Variants in ACO2 observed in about 807,000 individuals in gnomAD.
ACO2 encodes the protein aconitate hydratase, mitochondrial.
In ACO2, 31 loss-of-function variants were observed where a neutral mutation model predicts 84.5. That is an observed-to-expected ratio of 0.37 (90% CI 0.28 to 0.50). The LOEUF is 0.50. Ranked by LOEUF, ACO2 falls within the 20% of genes least tolerant of loss-of-function variation. ACO2 has a pLI of 0.97. For synonymous variants in ACO2, 414 were observed against 412.7 expected, an observed-to-expected ratio of 1.00 and a Z score of -0.04; for missense variants, 685 against 1,029.3, an observed-to-expected ratio of 0.67 and a Z score of 4.58.
chr22:41,494,590 T>A (rs2066298729), intron 1 of ACO2, among the ~76,000 whole-genome samples: 1 of 151,500 alleles, frequency 6.6e-6, no homozygotes, highest in African/African-American at 2.4e-5. Context: ...ATTGTATATT[T>A]AGTGGAGATG....
intron 1 of ACO2, among the ~76,000 whole-genome samples, chr22:41,477,684 T>C (rs1026901090): frequency 6.6e-6 from 1 of 152,028 alleles, no homozygotes; most frequent in East Asian, 1.9e-4. Flanking sequence ...TAGAGGCACT[T>C]GGTGAATATT....
In ACO2 at chr22:41,515,944, C is replaced by G. The variant is rs1356801566; in HGVS notation, c.835+27C>G. The G allele has an allele frequency of 6.2e-7, 1 of 1,605,768 alleles. No individual in the cohort carries two copies. The highest frequency in any genetic ancestry group is 1.1e-5 in the South Asian group (1 of 89,934). ...TGAGGAAGGCGGCCAGGCGACGTGG[C>G]CCCTACCCTGTGCTGGGCCTGATGG... On this transcript the variant is annotated intron_variant, in intron 6 of 17. Transcript: ENST00000216254. The surrounding 1 kb of genome is among the most constrained non-coding windows in gnomAD (Gnocchi z 5.8).
At chr22:41,526,612 T>C (rs1358998828) in intron 15 of ACO2, 159 bp downstream of exon 15, 12 of 737,234 alleles carry the variant, frequency 1.6e-5, no homozygotes, top group Non-Finnish European at 2.5e-5. Context: ...AGCCCCTCCC[T>C]GTGGCTGAGA....
intron 1 of ACO2, among the ~76,000 whole-genome samples, chr22:41,498,688 A>G (rs1321728420): frequency 6.6e-6 from 1 of 152,240 alleles, no homozygotes; most frequent in African/African-American, 2.4e-5. Context: ...AGAGCAATCC[A>G]AGAGAGAGAG....
intron 4 of ACO2, among the ~76,000 whole-genome samples, chr22:41,513,103 T>C (rs899623524): frequency 9.2e-5 from 14 of 152,136 alleles, no homozygotes; most frequent in Non-Finnish European, 1.6e-4. Flanking sequence ...GAATGGCCGT[T>C]TGCAGCGGCC....
intron 12 of ACO2, 134 bp from the exon 13 acceptor site, chr22:41,524,712 A>T: frequency 7.2e-7 from 1 of 1,396,984 alleles, no homozygotes; most frequent in Non-Finnish European, 9.9e-7. Flanking sequence ...CTGGCCTCTG[A>T]GGAACACAGG....
chr22:41,501,983 C>T (rs117078955), intron 2 of ACO2, among the ~76,000 whole-genome samples: 2,144 of 152,246 alleles, frequency 0.014, 29 homozygotes, highest in Non-Finnish European at 0.021. Context: ...TTCTCAACAA[C>T]CCCTGTAGGT....
chr22:41,523,075 G>A (rs1305604453), intron 10 of ACO2, 88 bp downstream of exon 10: 22 of 1,572,038 alleles, frequency 1.4e-5, no homozygotes, highest in Admixed American at 5.2e-5. Context: ...CTGTTGGGCC[G>A]GGGCTGGGGC....
intron 1 of ACO2, among the ~76,000 whole-genome samples, chr22:41,498,482 G>T (rs1007615756): frequency 1.3e-5 from 2 of 152,198 alleles, no homozygotes; most frequent in Non-Finnish European, 2.9e-5. Context: ...CTGGCTTGGG[G>T]CCTCTCCAGA....
chr22:41,493,551 A>G (rs540982019), intron 1 of ACO2, among the ~76,000 whole-genome samples: 6 of 152,304 alleles, frequency 3.9e-5, no homozygotes, highest in African/African-American at 1.2e-4. Context: ...TTTTGTTGCA[A>G]TGAGCAGATA....
At chr22:41,513,508 C>T (rs1191955389) in intron 4 of ACO2, among the ~76,000 whole-genome samples, 1 of 152,224 alleles carries the variant, frequency 6.6e-6, no homozygotes, top group Non-Finnish European at 1.5e-5. Flanking sequence ...GCAGACCTTC[C>T]TCCACATCAC....
intron 2 of ACO2, among the ~76,000 whole-genome samples, chr22:41,501,776 A>T (rs1440317202): frequency 6.6e-6 from 1 of 152,072 alleles, no homozygotes; most frequent in Non-Finnish European, 1.5e-5. Flanking sequence ...TCCCTTTCTC[A>T]TGCCACTTTG....
intron 3 of ACO2, among the ~76,000 whole-genome samples, chr22:41,508,935 C>T (rs1015175069): frequency 3.9e-5 from 6 of 152,160 alleles, no homozygotes; most frequent in African/African-American, 1.2e-4. Context: ...CTCAAAGCCT[C>T]CCAGCCCCAT....
chr22:41,512,990 G>A (rs970914409), intron 4 of ACO2, among the ~76,000 whole-genome samples: 3 of 152,096 alleles, frequency 2.0e-5, no homozygotes, highest in Non-Finnish European at 2.9e-5. Context: ...GTAATCTGAC[G>A]CCGCATGGGC....
intron 8 of ACO2, among the ~76,000 whole-genome samples, 198 bp downstream of exon 8, chr22:41,518,770 C>CT (rs1229680940): frequency 6.5e-5 from 9 of 139,370 alleles, no homozygotes; most frequent in African/African-American, 2.0e-4. Context: ...CCCGTCTCTA[C>CT]TAAAAAAAAA....
rs2038066902 is a variant in ACO2 at position 41,479,862 on chromosome 22, A to G, written c.36+10680A>G. Reference sequence around the variant, plus strand: ...ATAGTGTACGACTGATGTAGGCAGCAAAAGAGAATTAGTCAGATGAGCGAA... The same window carrying G: ...ATAGTGTACGACTGATGTAGGCAGCGAAAGAGAATTAGTCAGATGAGCGAA... On this transcript the variant is annotated intron_variant, in intron 1 of 17. Transcript: ENST00000216254. Among the ~76,000 whole-genome samples the G allele has an allele frequency of 2.6e-5, 4 of 152,248 alleles. No homozygotes were observed. The South Asian group carries it at 8.3e-4, about 32-fold the overall frequency.
chr22:41,518,293 T>A (rs945998432), intron 7 of ACO2, among the ~76,000 whole-genome samples, 188 bp from the exon 8 acceptor site: 2 of 152,230 alleles, frequency 1.3e-5, no homozygotes, highest in Non-Finnish European at 2.9e-5. Flanking sequence ...TGTCTCCGTG[T>A]CCCTGACAGC....
intron 12 of ACO2, among the ~76,000 whole-genome samples, 166 bp downstream of exon 12, chr22:41,524,107 C>T (rs1160009469): frequency 6.6e-6 from 1 of 152,178 alleles, no homozygotes; most frequent in Admixed American, 6.5e-5. Flanking sequence ...GCCTGGGGCT[C>T]CCTGGGTCAT....
At chr22:41,474,103 AGGAGTCTG>A (rs2037978815) in intron 1 of ACO2, among the ~76,000 whole-genome samples, 1 of 152,046 alleles carries the variant, frequency 6.6e-6, no homozygotes. Context: ...GGAATGGCAG[AGGAGTCTG>A]GGACTAGGGA....
Sources: allele counts gnomAD v4.1 joint callset (sites outside exome capture counted in the v4.1 genomes callset), GRCh38; gene constraint gnomAD v4.1.1; non-coding constraint Gnocchi (gnomAD v3.1); transcripts MANE v1.5; gene names NCBI Gene and HGNC (gene_info 2026-07-23, HGNC 2026-07-21).